The following TACC2 variants were observed in gnomAD, a reference collection of about 807,000 sequenced individuals.
TACC2 encodes transforming acidic coiled-coil containing protein 2.
Under a neutral mutation model 227.3 loss-of-function variants are expected in TACC2, and 137 were observed. The observed-to-expected ratio is 0.60, with a 90% confidence interval of 0.52 to 0.69. The LOEUF (loss-of-function observed/expected upper bound fraction) is 0.69, where lower values mean the gene tolerates loss of function less well. Among genes scored for constraint, TACC2 ranks in the 30% least tolerant of loss-of-function variants. The probability of loss-of-function intolerance (pLI) is 0.00; values close to 1 mark genes in which losing one functional copy is unlikely to be tolerated. For synonymous variants in TACC2, 1,523 were observed against 1,487.5 expected, an observed-to-expected ratio of 1.02 and a Z score of -0.55; for missense variants, 3,470 against 3,694.4, an observed-to-expected ratio of 0.94 and a Z score of 1.57.
intron 7 of TACC2, among the ~76,000 whole-genome samples, chr10:122,154,221 C>A (rs531744356): frequency 6.6e-6 from 1 of 152,354 alleles, no homozygotes; most frequent in African/African-American, 2.4e-5. Flanking sequence ...GGGCCTGATG[C>A]CGGGCCAGGC....
chr10:122,213,262 A>G (rs1330050378), intron 9 of TACC2: 2 of 1,467,384 alleles, frequency 1.4e-6, no homozygotes, highest in African/African-American at 2.8e-5. Flanking sequence ...CTAACCCATT[A>G]ATAACCAGTT....
intron 7 of TACC2, among the ~76,000 whole-genome samples, chr10:122,147,062 C>CGT (rs2091463669): frequency 6.6e-6 from 1 of 152,190 alleles, no homozygotes; most frequent in Non-Finnish European, 1.5e-5. Context: ...ATCAAGGGTA[C>CGT]ATACCATCGA....
chr10:122,026,781 C>T (rs991428708), intron 2 of TACC2, among the ~76,000 whole-genome samples: 7 of 149,810 alleles, frequency 4.7e-5, no homozygotes, highest in African/African-American at 1.8e-4. Flanking sequence ...ATTTAAGGTT[C>T]CTGCATGTTT....
chr10:122,084,069 C>T lies in TACC2; in HGVS notation c.1569C>T (p.Ser523=), dbSNP rs1210835202. The change falls in exon 4 of 23, where the codon AGC becomes AGT. Residue 523 remains serine, a synonymous_variant. Transcript: ENST00000369005. ...CCCCTCCTCTTCCCAAGGAGCAAAG[C>T]CATGAGGTCCAACCAGGAGCACCAC... The part of the protein sequence containing the change: ...VPPPPLPKEQ[S]HEVQPGAPPP... The T allele has an allele frequency of 1.9e-6, 3 of 1,613,898 alleles. No homozygotes were observed. Among genetic ancestry groups the T allele is most frequent in the Non-Finnish European group, 2.5e-6 (3 of 1,180,006 alleles).
At chr10:122,089,572 C>T (rs554718190) in intron 5 of TACC2, among the ~76,000 whole-genome samples, 4 of 152,326 alleles carry the variant, frequency 2.6e-5, no homozygotes, top group African/African-American at 9.6e-5. Flanking sequence ...ATATTGTGCA[C>T]GTACACAGAC....
chr10:122,087,666 T>G lies in TACC2; in HGVS notation c.5166T>G (p.Gly1722=). The change falls in exon 4 of 23, where the codon GGT becomes GGG. Residue 1722 remains glycine, a synonymous_variant. Transcript: ENST00000369005. ...STAETQACAS[G]DLPEAGTTRT... ...CTGAGACACAGGCATGTGCGTCCGGTGATCTGCCTGAAGCAGGTACTACGA... is the reference window on the plus strand; with the variant it reads ...CTGAGACACAGGCATGTGCGTCCGGGGATCTGCCTGAAGCAGGTACTACGA... 6.2e-7 allele frequency: 1 copy of G among 1,613,328 alleles called. No homozygotes were observed. Among genetic ancestry groups the G allele is most frequent in the Non-Finnish European group, 8.5e-7 (1 of 1,179,972 alleles).
intron 3 of TACC2, among the ~76,000 whole-genome samples, chr10:122,071,978 CTTT>C (rs200019377): frequency 2.9e-4 from 29 of 101,476 alleles, no homozygotes; most frequent in South Asian, 3.6e-4. Context: ...CCCAATAACT[CTTT>C]TTTTTTTTTT....
Position 121,989,494 on chromosome 10 carries a change from T to G in TACC2, c.-46+6T>G, listed in dbSNP as rs973359600. 2.6e-5 allele frequency: 4 copies of G among 152,134 alleles called. No individual in the cohort carries two copies. Among genetic ancestry groups the G allele is most frequent in the Non-Finnish European group, 5.9e-5 (4 of 68,044 alleles). The allele number at this position is 152,134 out of a possible 1,614,324, so 9.4% of individuals were successfully genotyped here. A position where few individuals can be genotyped will look rare whatever the true frequency, so the allele number is the denominator to read the frequency against. On this transcript the variant is annotated splice_donor_region_variant and intron_variant, in intron 1 of 22. Coordinates refer to ENST00000369005, the MANE Select transcript of TACC2 (RefSeq NM_206862.4). ...CTGGTAACAGCTGGAGTGCGGTAAG[T>G]AAGGAGGAGAGGGCTGGAAAATGAA...
At chr10:122,061,016 AAAAGGGGG>A (rs761390601) in intron 3 of TACC2, among the ~76,000 whole-genome samples, 873 of 29,640 alleles carry the variant, frequency 0.029, 16 homozygotes, top group African/African-American at 0.048. Context: ...AAAAAAAAAA[AAAAGGGGG>A]GGGGGCCAGG....
At chr10:122,164,247 C>T (rs2093011201) in intron 7 of TACC2, among the ~76,000 whole-genome samples, 1 of 152,170 alleles carries the variant, frequency 6.6e-6, no homozygotes, top group South Asian at 2.1e-4. Context: ...GGCTGGGGGG[C>T]TTCTCCTGCC....
chr10:122,015,324 G>A (rs1177805953), intron 1 of TACC2, among the ~76,000 whole-genome samples: 1 of 152,016 alleles, frequency 6.6e-6, no homozygotes, highest in East Asian at 1.9e-4. Flanking sequence ...GCCCAACATG[G>A]TGAAACCCGG....
chr10:122,129,060 A>ATTATTATTATT (rs1555055945), intron 5 of TACC2, among the ~76,000 whole-genome samples: 48 of 128,552 alleles, frequency 3.7e-4, no homozygotes, highest in African/African-American at 8.8e-4. Flanking sequence ...ATCTTATTTT[A>ATTATTATTATT]ATTATTATTA....
intron 5 of TACC2, among the ~76,000 whole-genome samples, chr10:122,130,439 CT>C (rs35937928): frequency 6.6e-6 from 1 of 152,022 alleles, no homozygotes; most frequent in Non-Finnish European, 1.5e-5. Flanking sequence ...TATACTCTTC[CT>C]TTTTTAAGCT....
At chr10:122,152,481 C>A (rs899226480) in intron 7 of TACC2, among the ~76,000 whole-genome samples, 1 of 152,238 alleles carries the variant, frequency 6.6e-6, no homozygotes, top group Non-Finnish European at 1.5e-5. Context: ...CATGTACTAA[C>A]CCCATATGTG....
At chr10:122,163,523 T>A (rs1398793853) in intron 7 of TACC2, 2 of 969,882 alleles carry the variant, frequency 2.1e-6, no homozygotes, top group East Asian at 2.3e-4. Context: ...TGGAGCTTTG[T>A]GAAGATGCAG....
At position 122,083,174 on chromosome 10, in the gene TACC2, C is replaced by A; in HGVS notation, c.674C>A (p.Ser225Tyr). 1 of 1,613,240 alleles carries A rather than the reference C, an allele frequency of 6.2e-7. No individual in the cohort carries two copies. The highest frequency in any genetic ancestry group is 8.5e-7 in the Non-Finnish European group (1 of 1,179,990). Reference protein sequence around the residue: ...GEGDQPGGFESQEKEAAGGFP... With the variant: ...GEGDQPGGFEYQEKEAAGGFP... ...GGGGACCAGCCTGGTGGTTTTGAGT[C>A]CCAAGAGAAAGAGGCTGCAGGTGGC... is the stretch of plus-strand genomic sequence containing the variant. Residue 225 changes from serine to tyrosine, a missense_variant, in exon 4 of 23, where the codon TCC becomes TAC. Coordinates refer to ENST00000369005, the MANE Select transcript of TACC2 (RefSeq NM_206862.4).
intron 5 of TACC2, among the ~76,000 whole-genome samples, chr10:122,120,608 G>C (rs1288737260): frequency 6.6e-6 from 1 of 152,158 alleles, no homozygotes; most frequent in African/African-American, 2.4e-5. Flanking sequence ...AGAGCAGCTG[G>C]GATGGAGCTC....
At chr10:122,243,509 C>T (rs1025950094) in intron 19 of TACC2, among the ~76,000 whole-genome samples, 2 of 152,138 alleles carry the variant, frequency 1.3e-5, no homozygotes, top group African/African-American at 4.8e-5. Context: ...TTCATTTCAC[C>T]CAGAAAAGAA....
rs1343160232 is a variant in TACC2, at chr10:121,989,439, G to A, written c.-95G>A. On this transcript the variant is annotated 5_prime_UTR_variant, in exon 1 of 23. Coordinates refer to ENST00000369005, the MANE Select transcript of TACC2 (RefSeq NM_206862.4). Reference sequence around the variant, plus strand: ...TTTCCTCTGAGGAGGGAAGAATAGAGTTGCTGCTGCAGACACATCAGATTC... The same window carrying A: ...TTTCCTCTGAGGAGGGAAGAATAGAATTGCTGCTGCAGACACATCAGATTC... The A allele has an allele frequency of 6.6e-6, 1 of 152,264 alleles. No homozygotes were observed. Among genetic ancestry groups the A allele is most frequent in the Non-Finnish European group, 1.5e-5 (1 of 68,060 alleles). 9.4% of individuals were successfully genotyped at this position (152,264 alleles called of 1,614,324 possible).
Sources: allele counts gnomAD v4.1 joint callset (sites outside exome capture counted in the v4.1 genomes callset), GRCh38; gene constraint gnomAD v4.1.1; transcripts MANE v1.5; gene names NCBI Gene and HGNC (gene_info 2026-07-23, HGNC 2026-07-21).